Variants in KIRREL3 observed in about 807,000 individuals in gnomAD.
KIRREL3 encodes the protein kin of IRRE-like protein 3.
In KIRREL3, 36 loss-of-function variants were observed where a neutral mutation model predicts 89.7. The ratio of observed to expected loss-of-function variants is 0.40; its 90% CI spans 0.31 to 0.53. The LOEUF is 0.53. Among genes scored for constraint, KIRREL3 ranks in the 20% least tolerant of loss-of-function variants. The pLI, the probability that KIRREL3 is intolerant of heterozygous loss-of-function variation, is 0.49. For synonymous variants in KIRREL3, 445 were observed against 441.4 expected, an observed-to-expected ratio of 1.01 and a Z score of -0.10; for missense variants, 864 against 1,056.6, an observed-to-expected ratio of 0.82 and a Z score of 2.53.
chr11:126,457,410 C>A (rs570426513), intron 6 of KIRREL3, among the ~76,000 whole-genome samples: 1 of 138,668 alleles, frequency 7.2e-6, no homozygotes, highest in South Asian at 2.4e-4. Context: ...TGTGTATGCA[C>A]GTGTGTATGT....
intron 1 of KIRREL3, among the ~76,000 whole-genome samples, chr11:126,947,933 G>C (rs1190979416): frequency 6.6e-6 from 1 of 152,142 alleles, no homozygotes; most frequent in Non-Finnish European, 1.5e-5. Flanking sequence ...AATGGGAGGT[G>C]AACTGGAACT....
chr11:126,803,350 G>A (rs10893573), intron 1 of KIRREL3, among the ~76,000 whole-genome samples: 34,128 of 152,006 alleles, frequency 0.22, 4,465 homozygotes, highest in East Asian at 0.46. Context: ...AGAGGAAACC[G>A]TGTGTACAAA....
chr11:126,647,655 C>T lies in KIRREL3; in HGVS notation c.56-84743G>A, dbSNP rs981370250. Among the ~76,000 whole-genome samples, 3 of 152,180 alleles carry T rather than the reference C, an allele frequency of 2.0e-5. No homozygotes were observed. The highest frequency in any genetic ancestry group is 1.9e-4 in the East Asian group (1 of 5,184). ...GTCTTCTTGCCCCTCCAAGGCTACC[C>T]CCTGGTCCAAGTCACTTGGACCCTG... On this transcript the variant is annotated intron_variant, in intron 1 of 16. Coordinates refer to ENST00000525144, the MANE Select transcript of KIRREL3 (RefSeq NM_032531.4). The surrounding 1 kb of genome is among the most constrained non-coding windows in gnomAD (Gnocchi z 4.9).
intron 1 of KIRREL3, among the ~76,000 whole-genome samples, chr11:126,852,535 C>G (rs7123800): frequency 6.6e-6 from 1 of 152,040 alleles, no homozygotes; most frequent in African/African-American, 2.4e-5. Flanking sequence ...ATCTGGAGAC[C>G]GTAAGTCCTC....
chr11:126,774,657 G>T (rs1357683141), intron 1 of KIRREL3, among the ~76,000 whole-genome samples: 3 of 152,092 alleles, frequency 2.0e-5, no homozygotes, highest in Non-Finnish European at 4.4e-5. Context: ...CAGGGCAGAG[G>T]AGAAAAGGGG....
At chr11:126,869,110 A>G (rs941475298) in intron 1 of KIRREL3, among the ~76,000 whole-genome samples, 6 of 151,718 alleles carry the variant, frequency 4.0e-5, no homozygotes, top group Admixed American at 3.9e-4. Flanking sequence ...ATCTACATAG[A>G]AAAAGCTGTT....
Position 126,870,662 on chromosome 11 carries a change from C to T in KIRREL3, c.55+129793G>A, listed in dbSNP as rs75208448. 2.7e-3 allele frequency among the ~76,000 whole-genome samples: 404 copies of T among 152,244 alleles called. 1 individual carries two copies. The highest frequency in any genetic ancestry group is 6.0e-3 in the South Asian group (29 of 4,822). On this transcript the variant is annotated intron_variant, in intron 1 of 16. Coordinates refer to ENST00000525144, the MANE Select transcript of KIRREL3 (RefSeq NM_032531.4). The surrounding 1 kb of genome is among the most constrained non-coding windows in gnomAD (Gnocchi z 4.4). The stretch of plus-strand genomic sequence containing the variant: ...CCTCGTTTCCAATTCCACTCATGGC[C>T]GCCATCTATTTGCACAGCTCATCTG...
intron 11 of KIRREL3, among the ~76,000 whole-genome samples, chr11:126,437,524 C>A (rs1955401497): frequency 1.3e-5 from 2 of 152,282 alleles, no homozygotes; most frequent in Non-Finnish European, 2.9e-5. Flanking sequence ...CATCACAACA[C>A]ATGCACACAC....
rs142402979 is a variant in KIRREL3, at chr11:126,878,710, G to A, written c.55+121745C>T. Among the ~76,000 whole-genome samples, 45 of 152,258 alleles carry A rather than the reference G, an allele frequency of 3.0e-4. No homozygotes were observed. The East Asian group carries it at 7.7e-3, about 26-fold the overall frequency. ...GAGGCACAGATGAAAAATGGTGTAA[G>A]CTCTGGCCACCTCTGGGATTGGCAG... On this transcript the variant is annotated intron_variant, in intron 1 of 16. Transcript: ENST00000525144.
In KIRREL3 at chr11:126,570,576, C is replaced by T. The variant is rs749927094; in HGVS notation, c.56-7664G>A. Among the ~76,000 whole-genome samples the T allele has an allele frequency of 2.6e-5, 4 of 152,200 alleles. No individual in the cohort carries two copies. Among genetic ancestry groups the T allele is most frequent in the Non-Finnish European group, 4.4e-5 (3 of 68,040 alleles). ...CCCTCACACACCTGCTGATCACGTG[C>T]CGATCAGCACCTTACAGCTTGGTAA... On this transcript the variant is annotated intron_variant, in intron 1 of 16. Coordinates refer to ENST00000525144, the MANE Select transcript of KIRREL3 (RefSeq NM_032531.4). This position sits in a 1 kb window ranked among gnomAD's most constrained non-coding sequence, Gnocchi z 6.1.
intron 1 of KIRREL3, among the ~76,000 whole-genome samples, chr11:126,700,419 G>A (rs1947269524): frequency 6.6e-6 from 1 of 152,212 alleles, no homozygotes; most frequent in Admixed American, 6.5e-5. Flanking sequence ...AACAGGACCG[G>A]AAAACGATGT....
intron 1 of KIRREL3, among the ~76,000 whole-genome samples, chr11:126,939,874 T>A (rs1181373404): frequency 2.6e-5 from 4 of 152,160 alleles, no homozygotes; most frequent in Non-Finnish European, 5.9e-5. Context: ...TTTCCCAAGG[T>A]CACTCTGGGC....
intron 1 of KIRREL3, among the ~76,000 whole-genome samples, chr11:126,923,270 CTTCTCCTTCTCCTTCTCCTTCTCCTTCT>C (rs1947530900): frequency 1.2e-5 from 1 of 83,958 alleles, no homozygotes; most frequent in African/African-American, 6.0e-5. Flanking sequence ...TCTTCTTCTC[CTTCTCCTTCTCCTTCTCCTTCTCCTTCT>C]TCCTTCTCCT....
intron 11 of KIRREL3, 84 bp downstream of exon 11, chr11:126,440,365 C>G: frequency 8.3e-7 from 1 of 1,202,364 alleles, no homozygotes; most frequent in Non-Finnish European, 1.2e-6. Context: ...AGGTGTGCAC[C>G]GCCTGGCTGG....
At position 126,522,146 on chromosome 11, in the gene KIRREL3, G is replaced by A. The variant is rs1464034983; in HGVS notation, c.284-682C>T. On this transcript the variant is annotated intron_variant, in intron 3 of 16. Coordinates refer to ENST00000525144, the MANE Select transcript of KIRREL3 (RefSeq NM_032531.4). This position sits in a 1 kb window ranked among gnomAD's most constrained non-coding sequence, Gnocchi z 6.0. ...GAAATGCTAAGCGTGGACAGACACC[G>A]CTGGCTTATTATTCTGGAAAGTGGT... 2.0e-5 allele frequency among the ~76,000 whole-genome samples: 3 copies of A among 152,102 alleles called. No individual in the cohort carries two copies. Among genetic ancestry groups the A allele is most frequent in the South Asian group, 2.1e-4 (1 of 4,830 alleles).
intron 2 of KIRREL3, among the ~76,000 whole-genome samples, chr11:126,539,749 G>A (rs1938206150): frequency 6.6e-6 from 1 of 152,214 alleles, no homozygotes; most frequent in Non-Finnish European, 1.5e-5. Flanking sequence ...TGTCCCAGAT[G>A]TAGTTGGGTC....
At chr11:126,629,134 T>C (rs888676828) in intron 1 of KIRREL3, among the ~76,000 whole-genome samples, 2 of 152,188 alleles carry the variant, frequency 1.3e-5, no homozygotes, top group African/African-American at 4.8e-5. Context: ...GGACCAGGCC[T>C]GTGCAAAAAA....
intron 1 of KIRREL3, among the ~76,000 whole-genome samples, chr11:126,859,219 T>C (rs1420241982): frequency 6.6e-6 from 1 of 152,102 alleles, no homozygotes; most frequent in Non-Finnish European, 1.5e-5. Flanking sequence ...TATCTGGGGG[T>C]GAAAAGTGGT....
At chr11:126,884,826 G>C (rs1017946704) in intron 1 of KIRREL3, among the ~76,000 whole-genome samples, 1 of 152,120 alleles carries the variant, frequency 6.6e-6, no homozygotes, top group Non-Finnish European at 1.5e-5. Context: ...CCATCTTTCA[G>C]TACAGAGCTG....
Sources: allele counts gnomAD v4.1 joint callset (sites outside exome capture counted in the v4.1 genomes callset), GRCh38; gene constraint gnomAD v4.1.1; non-coding constraint Gnocchi (gnomAD v3.1); transcripts MANE v1.5; gene names NCBI Gene and HGNC (gene_info 2026-07-23, HGNC 2026-07-21).